ATG10: variants seen among roughly 807,000 people sequenced by gnomAD.
The protein encoded by ATG10 is autophagy related 10, also known as ubiquitin-like-conjugating enzyme ATG10.
In ATG10, 30 loss-of-function variants were observed where a neutral mutation model predicts 32.1. That is an observed-to-expected ratio of 0.94 (90% CI 0.70 to 1.27). The LOEUF is 1.27. ATG10 is among the 50% of genes most tolerant of loss of function. ATG10 has a pLI of 0.00. For synonymous variants in ATG10, 87 were observed against 91.5 expected, an observed-to-expected ratio of 0.95 and a Z score of 0.28; for missense variants, 233 against 262.3, an observed-to-expected ratio of 0.89 and a Z score of 0.77.
chr5:81,990,201 G>A (rs889792506), intron 2 of ATG10, among the ~76,000 whole-genome samples: 2 of 152,088 alleles, frequency 1.3e-5, no homozygotes, highest in African/African-American at 2.4e-5. Flanking sequence ...TAATGCTTTT[G>A]TTATAAAATG....
chr5:82,221,891 C>T (rs1745942624), intron 5 of ATG10, among the ~76,000 whole-genome samples: 1 of 152,200 alleles, frequency 6.6e-6, no homozygotes, highest in Non-Finnish European at 1.5e-5. Flanking sequence ...CCTGACTTTG[C>T]ACTCCAATCA....
chr5:82,049,150 A>G (rs1161338564), intron 2 of ATG10, among the ~76,000 whole-genome samples: 1 of 151,622 alleles, frequency 6.6e-6, no homozygotes, highest in African/African-American at 2.4e-5. Flanking sequence ...AACCAACCCA[A>G]ATGTCCAACA....
At chr5:82,066,425 G>A (rs1280594507) in intron 3 of ATG10, among the ~76,000 whole-genome samples, 2 of 152,036 alleles carry the variant, frequency 1.3e-5, no homozygotes, top group African/African-American at 2.4e-5. Flanking sequence ...AGAGCCTCAG[G>A]TTGCACCTTC....
intron 5 of ATG10, among the ~76,000 whole-genome samples, chr5:82,225,710 A>G (rs1245089734): frequency 6.6e-6 from 1 of 152,048 alleles, no homozygotes; most frequent in South Asian, 2.1e-4. Context: ...TGGCAGGTAC[A>G]TTAAGGAGTG....
At chr5:82,125,594 T>C (rs1338233299) in intron 3 of ATG10, among the ~76,000 whole-genome samples, 2 of 152,084 alleles carry the variant, frequency 1.3e-5, no homozygotes, top group Admixed American at 6.6e-5. Context: ...AGATGTGTGG[T>C]GTTATTTCTG....
intron 5 of ATG10, among the ~76,000 whole-genome samples, chr5:82,185,389 C>T (rs1173135558): frequency 3.3e-5 from 5 of 152,076 alleles, no homozygotes; most frequent in African/African-American, 7.2e-5. Flanking sequence ...GGAAGAAACT[C>T]GTTGATTATT....
chr5:82,228,185 G>A (rs1746208748), intron 5 of ATG10, among the ~76,000 whole-genome samples: 1 of 151,356 alleles, frequency 6.6e-6, no homozygotes, highest in Non-Finnish European at 1.5e-5. Flanking sequence ...ACTGCAGCCT[G>A]GGCAACAGAG....
intron 2 of ATG10, among the ~76,000 whole-genome samples, chr5:82,024,170 T>G (rs973205858): frequency 6.6e-6 from 1 of 152,212 alleles, no homozygotes; most frequent in African/African-American, 2.4e-5. Flanking sequence ...CTTCTATGCA[T>G]TAGAAGTGTA....
intron 2 of ATG10, among the ~76,000 whole-genome samples, chr5:82,008,293 GA>G (rs1351166578): frequency 6.6e-6 from 1 of 152,016 alleles, no homozygotes; most frequent in East Asian, 1.9e-4. Flanking sequence ...AGCTAGAGTA[GA>G]TTTTTTTTTC....
At chr5:82,096,814 C>G (rs1482063568) in intron 3 of ATG10, among the ~76,000 whole-genome samples, 1 of 152,184 alleles carries the variant, frequency 6.6e-6, no homozygotes, top group Non-Finnish European at 1.5e-5. Flanking sequence ...ATTCCATATC[C>G]TTTCATACTG....
intron 3 of ATG10, among the ~76,000 whole-genome samples, chr5:82,103,160 G>A (rs1389025918): frequency 3.3e-5 from 5 of 152,088 alleles, no homozygotes. Flanking sequence ...TTGTTTGTTT[G>A]TAGACAGGGA....
intron 3 of ATG10, among the ~76,000 whole-genome samples, chr5:82,118,387 C>CATATATATATATATATATAT (rs71605823): frequency 0.018 from 1,447 of 80,530 alleles, 101 homozygotes; most frequent in Middle Eastern, 0.055. Context: ...AATATATGTA[C>CATATATATATATATATATAT]ATATATATAT....
intron 3 of ATG10, among the ~76,000 whole-genome samples, chr5:82,154,149 T>C (rs917172701): frequency 1.3e-5 from 2 of 152,192 alleles, no homozygotes; most frequent in African/African-American, 2.4e-5. Context: ...AAGAATAATA[T>C]TCTATGACAT....
At chr5:82,061,779 C>T (rs886402117) in intron 3 of ATG10, among the ~76,000 whole-genome samples, 7 of 135,392 alleles carry the variant, frequency 5.2e-5, no homozygotes, top group African/African-American at 1.9e-4. Flanking sequence ...TACATGTACA[C>T]ATATATATAT....
In ATG10 at chr5:82,229,284, G is replaced by C. The variant is rs568537790; in HGVS notation, c.454-23278G>C. Among the ~76,000 whole-genome samples, 20 of 152,290 alleles carry C rather than the reference G, an allele frequency of 1.3e-4. 1 individual carries two copies. The South Asian group carries it at 4.1e-3, about 32-fold the overall frequency. On this transcript the variant is annotated intron_variant, in intron 5 of 7. Coordinates refer to ENST00000282185, the MANE Select transcript of ATG10 (RefSeq NM_031482.5). ...ACTGGAGGAGCACTGGCTAAGACAG[G>C]AAAGAATAAATGAGCCTCTTAGGAG...
intron 3 of ATG10, among the ~76,000 whole-genome samples, chr5:82,060,564 G>A (rs747933793): frequency 1.3e-4 from 20 of 152,158 alleles, no homozygotes; most frequent in Non-Finnish European, 1.8e-4. Context: ...TAATTACGCA[G>A]GTTAAAGGTT....
chr5:82,047,383 A>G lies in ATG10; in HGVS notation c.109-11112A>G, dbSNP rs556259582. On this transcript the variant is annotated intron_variant, in intron 2 of 7. Transcript: ENST00000282185. ...AAAATGCTTAATAGTGAAACCTAAC[A>G]TTGTGGAGATAACTGTTAAAAGTAA... Among the ~76,000 whole-genome samples the G allele has an allele frequency of 1.1e-4, 16 of 152,360 alleles. No homozygotes were observed. The East Asian group carries it at 2.7e-3, about 26-fold the overall frequency.
intron 3 of ATG10, among the ~76,000 whole-genome samples, chr5:82,102,478 T>C (rs552475284): frequency 6.6e-6 from 1 of 152,162 alleles, no homozygotes; most frequent in Non-Finnish European, 1.5e-5. Flanking sequence ...AACACAATAG[T>C]TATTGAATGT....
chr5:82,170,730 G>A (rs1425289001), intron 4 of ATG10, among the ~76,000 whole-genome samples: 3 of 152,034 alleles, frequency 2.0e-5, no homozygotes, highest in African/African-American at 7.3e-5. Flanking sequence ...CAGATCACCT[G>A]AGGTCAAGAG....
Sources: gnomAD v4.1 joint callset for allele counts (sites outside exome capture counted in the v4.1 genomes callset) on GRCh38, gnomAD v4.1.1 for gene constraint, MANE v1.5 for transcripts, NCBI Gene and HGNC (gene_info 2026-07-23, HGNC 2026-07-21) for gene names.